The following LUZP2 variants were observed in gnomAD, a reference collection of about 807,000 sequenced individuals.
LUZP2 encodes leucine zipper protein 2.
In LUZP2, 52 loss-of-function variants were observed where a neutral mutation model predicts 51.6. The observed-to-expected ratio is 1.01, with a 90% CI of 0.81 to 1.27. The LOEUF is 1.27. Among genes scored for constraint, LUZP2 ranks in the 50% most tolerant of loss-of-function variants. LUZP2 has a pLI of 0.00. For synonymous variants in LUZP2, 154 were observed against 137.3 expected (o/e 1.12, Z -0.85); for missense variants, 436 against 395.4 (o/e 1.10, Z -0.87).
intron 4 of LUZP2, among the ~76,000 whole-genome samples, chr11:24,754,171 A>AT (rs1484463670): frequency 6.6e-6 from 1 of 151,150 alleles, no homozygotes; most frequent in Admixed American, 6.6e-5. Context: ...GTTTTTCTTA[A>AT]TTTTTTGTAG....
Position 24,862,122 on chromosome 11 carries a change from G to A in LUZP2, c.397-43869G>A, listed in dbSNP as rs559895174. Among the ~76,000 whole-genome samples, 8 of 152,172 alleles carry A rather than the reference G, an allele frequency of 5.3e-5. No homozygotes were observed. The South Asian group carries it at 1.2e-3, about 24-fold the overall frequency. Reference sequence around the variant, plus strand: ...TCAGATTCTCCAAGGTCAAAATGAAGGAAAAGCTGTGAGGTCAGCCAGAGA... The same window carrying A: ...TCAGATTCTCCAAGGTCAAAATGAAAGAAAAGCTGTGAGGTCAGCCAGAGA... On this transcript the variant is annotated intron_variant, in intron 5 of 11. Transcript: ENST00000336930.
At chr11:24,522,961 A>G (rs1850689436) in intron 1 of LUZP2, among the ~76,000 whole-genome samples, 1 of 151,976 alleles carries the variant, frequency 6.6e-6, no homozygotes, top group Admixed American at 6.6e-5. Flanking sequence ...TCGTTCACTA[A>G]CCCATATGGT....
At chr11:24,869,898 G>C (rs1486719) in intron 5 of LUZP2, among the ~76,000 whole-genome samples, 84,980 of 151,976 alleles carry the variant, frequency 0.56, 24,732 homozygotes, top group Middle Eastern at 0.68. Flanking sequence ...GGAAAATGAA[G>C]ACAAAAGCTG....
chr11:24,822,132 A>T (rs1212271042), intron 5 of LUZP2, among the ~76,000 whole-genome samples: 1 of 152,082 alleles, frequency 6.6e-6, no homozygotes, highest in East Asian at 1.9e-4. Flanking sequence ...AGTGTAGCAC[A>T]GAGTGAATCT....
At chr11:24,839,397 A>AT (rs1850956460) in intron 5 of LUZP2, among the ~76,000 whole-genome samples, 1 of 151,698 alleles carries the variant, frequency 6.6e-6, no homozygotes, top group South Asian at 2.1e-4. Context: ...AAAACCATCT[A>AT]TTTTTTATAG....
At chr11:25,010,042 T>C (rs1437812105) in intron 9 of LUZP2, among the ~76,000 whole-genome samples, 2 of 152,234 alleles carry the variant, frequency 1.3e-5, no homozygotes, top group East Asian at 3.8e-4. Context: ...CATTAGTTTG[T>C]TAACATTTCT....
intron 1 of LUZP2, among the ~76,000 whole-genome samples, chr11:24,577,697 A>G (rs1381686610): frequency 6.6e-6 from 1 of 152,170 alleles, no homozygotes; most frequent in Non-Finnish European, 1.5e-5. Flanking sequence ...TAAGTAATTT[A>G]CTTATATGTA....
chr11:25,043,718 A>G (rs1858152659), intron 9 of LUZP2, among the ~76,000 whole-genome samples: 1 of 148,676 alleles, frequency 6.7e-6, no homozygotes, highest in South Asian at 2.1e-4. Context: ...CAATATATAC[A>G]TATATAATAT....
Position 24,641,674 on chromosome 11 carries a change from A to C in LUZP2, c.63-87495A>C, listed in dbSNP as rs538653986. 2.6e-5 allele frequency among the ~76,000 whole-genome samples: 4 copies of C among 152,026 alleles called. No individual in the cohort carries two copies. In the East Asian group the frequency reaches 7.7e-4, roughly 29 times the overall value. On this transcript the variant is annotated intron_variant, in intron 1 of 11. Transcript: ENST00000336930. ...TTTTTCAAACTTCCGGATTAGTCTAATTAAAGGCCACCTTGCTACTTCTAG... is the reference window on the plus strand; with the variant it reads ...TTTTTCAAACTTCCGGATTAGTCTACTTAAAGGCCACCTTGCTACTTCTAG...
chr11:24,786,351 T>G (rs1849245656), intron 5 of LUZP2: 2 of 982,362 alleles, frequency 2.0e-6, no homozygotes, highest in Non-Finnish European at 2.4e-6. Context: ...TGGGCATATC[T>G]AATAAATACA....
rs1037589877 is a variant in LUZP2, at chr11:24,786,217, G to T, written c.396+22909G>T. 21 of 965,208 alleles carry T rather than the reference G, an allele frequency of 2.2e-5. No homozygotes were observed. The African/African-American group carries it at 3.7e-4, about 17-fold the overall frequency. 59.8% of individuals were successfully genotyped at this position (965,208 alleles called of 1,614,324 possible). ...TATATTTTATAATTTTATATTTTTAGGTTAACTTAATTTCCCATCGTAATT... is the reference window on the plus strand; with the variant it reads ...TATATTTTATAATTTTATATTTTTATGTTAACTTAATTTCCCATCGTAATT... On this transcript the variant is annotated intron_variant, in intron 5 of 11. Coordinates refer to ENST00000336930, the MANE Select transcript of LUZP2 (RefSeq NM_001009909.4).
chr11:24,892,151 C>G (rs1852874886), intron 5 of LUZP2: 1 of 985,570 alleles, frequency 1.0e-6, no homozygotes, highest in East Asian at 1.1e-4. Flanking sequence ...CTTGTTATTT[C>G]TTAAGAATCT....
intron 5 of LUZP2, among the ~76,000 whole-genome samples, chr11:24,788,610 A>G (rs1849315788): frequency 1.3e-5 from 2 of 152,154 alleles, no homozygotes; most frequent in African/African-American, 4.8e-5. Flanking sequence ...AAGCCAAAAC[A>G]ACTGGAAATA....
chr11:25,004,254 G>A (rs182342129), intron 9 of LUZP2, among the ~76,000 whole-genome samples: 150 of 152,238 alleles, frequency 9.9e-4, no homozygotes, highest in African/African-American at 3.3e-3. Flanking sequence ...ACGAGGGGGT[G>A]GCTTGTTTCT....
At chr11:24,717,424 T>G (rs528909960) in intron 1 of LUZP2, among the ~76,000 whole-genome samples, 2 of 151,502 alleles carry the variant, frequency 1.3e-5, no homozygotes, top group Non-Finnish European at 3.0e-5. Context: ...TTTTTTTTTT[T>G]TTGAGACGGA....
intron 5 of LUZP2, among the ~76,000 whole-genome samples, chr11:24,812,213 C>CA (rs60219344): frequency 0.73 from 110,550 of 151,902 alleles, 40,265 homozygotes; most frequent in Middle Eastern, 0.81. Context: ...GTAAACATAA[C>CA]TTTTACACAA....
intron 9 of LUZP2, among the ~76,000 whole-genome samples, chr11:25,022,797 G>A (rs965465334): frequency 5.9e-5 from 9 of 152,014 alleles, no homozygotes; most frequent in Non-Finnish European, 7.4e-5. Flanking sequence ...GTCATAAATA[G>A]CTCTCATTAT....
chr11:24,671,847 A>C (rs576968671), intron 1 of LUZP2, among the ~76,000 whole-genome samples: 2 of 152,292 alleles, frequency 1.3e-5, no homozygotes, highest in South Asian at 4.1e-4. Context: ...CAATAGGCTA[A>C]ATGAGTACGG....
chr11:24,694,342 T>A (rs535501511), intron 1 of LUZP2, among the ~76,000 whole-genome samples: 31 of 152,248 alleles, frequency 2.0e-4, no homozygotes, highest in Non-Finnish European at 3.8e-4. Flanking sequence ...TCACCTCCTT[T>A]GGCCTTTGCT....
Sources: allele counts gnomAD v4.1 joint callset (sites outside exome capture counted in the v4.1 genomes callset), GRCh38; gene constraint gnomAD v4.1.1; transcripts MANE v1.5; gene names NCBI Gene and HGNC (gene_info 2026-07-23, HGNC 2026-07-21).